Variants in MYT1L observed in about 807,000 individuals in gnomAD.
MYT1L encodes myelin transcription factor 1-like protein.
A neutral mutation model predicts 126.7 loss-of-function variants in MYT1L; 12 were observed. That is an observed-to-expected ratio of 0.09 (90% CI 0.06 to 0.15). The LOEUF (loss-of-function observed/expected upper bound fraction) is 0.15. Among genes scored for constraint, MYT1L ranks in the 10% least tolerant of loss-of-function variants. The pLI, the probability that MYT1L is intolerant of heterozygous loss-of-function variation, is 1.00. For synonymous variants in MYT1L, 541 were observed against 604.2 expected, an observed-to-expected ratio of 0.90 and a Z score of 1.53; for missense variants, 979 against 1,585.2, an observed-to-expected ratio of 0.62 and a Z score of 6.49.
intron 8 of MYT1L, among the ~76,000 whole-genome samples, chr2:1,956,195 A>ATCTATCTATCTC (rs1180989847): frequency 0.016 from 1,288 of 79,382 alleles, 26 homozygotes; most frequent in African/African-American, 0.059. Context: ...CTAGCTGTCT[A>ATCTATCTATCTC]TCTATCTATC....
At chr2:2,037,525 G>C (rs916897183) in intron 4 of MYT1L, among the ~76,000 whole-genome samples, 12 of 151,714 alleles carry the variant, frequency 7.9e-5, no homozygotes, top group African/African-American at 2.9e-4. Context: ...GGAAGCCAAG[G>C]TGGCCAGATC....
At chr2:1,965,670 A>T (rs952015383) in intron 8 of MYT1L, among the ~76,000 whole-genome samples, 20 of 152,208 alleles carry the variant, frequency 1.3e-4, no homozygotes, top group Non-Finnish European at 2.9e-4. Context: ...TTTTGGCATC[A>T]TAGCTGGTGA....
chr2:2,132,305 A>G (rs2082476203), intron 3 of MYT1L, among the ~76,000 whole-genome samples: 2 of 152,198 alleles, frequency 1.3e-5, no homozygotes, highest in Admixed American at 1.3e-4. Context: ...ACTATTTACA[A>G]TATCAAAGAC....
chr2:2,302,796 G>T lies in MYT1L; in HGVS notation c.-520-18293C>A, dbSNP rs143690880. 4.6e-4 allele frequency among the ~76,000 whole-genome samples: 70 copies of T among 152,280 alleles called. No individual in the cohort carries two copies. The East Asian group carries it at 0.013, about 28-fold the overall frequency. The stretch of plus-strand genomic sequence containing the variant: ...TGTAGACGTGGTAATGTGCAGTAAT[G>T]GTTTGATGCGTGAACAAAGTCCTTG... On this transcript the variant is annotated intron_variant, in intron 1 of 24. Transcript: ENST00000647738.
At chr2:1,886,181 CT>C (rs2048149637) in intron 18 of MYT1L, 1 of 180,028 alleles carries the variant, frequency 5.6e-6, no homozygotes, top group South Asian at 2.0e-4. Flanking sequence ...CTATGAATTT[CT>C]TTTAAAAATT....
At chr2:2,073,667 T>C (rs1048971800) in intron 3 of MYT1L, among the ~76,000 whole-genome samples, 1 of 152,216 alleles carries the variant, frequency 6.6e-6, no homozygotes, top group Non-Finnish European at 1.5e-5. Context: ...GTGCGTATCT[T>C]GGACGTTGTA....
intron 18 of MYT1L, among the ~76,000 whole-genome samples, chr2:1,878,714 A>G (rs576117726): frequency 7.9e-5 from 12 of 152,332 alleles, no homozygotes; most frequent in Non-Finnish European, 1.8e-4. Context: ...TCCATCGGGC[A>G]TTTCAGGCTC....
chr2:1,952,643 G>A (rs1055001898), intron 8 of MYT1L, among the ~76,000 whole-genome samples: 8 of 148,620 alleles, frequency 5.4e-5, no homozygotes, highest in Non-Finnish European at 8.9e-5. Context: ...TGTGTGCCAC[G>A]GCACACCACC....
intron 13 of MYT1L, among the ~76,000 whole-genome samples, chr2:1,906,730 C>T (rs919189654): frequency 5.3e-5 from 8 of 151,952 alleles, no homozygotes; most frequent in African/African-American, 1.9e-4. Context: ...GAGACATTTT[C>T]CCAGATAATA....
rs541570234 is a variant in MYT1L, at chr2:2,212,298, AATAAAGG to A, written c.-420-39317_-420-39311del. ...ACTCCCCCAGGATGAGTTACCCGAT[AATAAAGG>A]AGCAGGCGAAATTTTAGGAAGATTG... On this transcript the variant is annotated intron_variant, in intron 2 of 24. Transcript: ENST00000647738. 3.9e-5 allele frequency among the ~76,000 whole-genome samples: 6 copies of A among 152,314 alleles called. No homozygotes were observed. The South Asian group carries it at 1.2e-3, about 32-fold the overall frequency.
Position 2,040,664 on chromosome 2 carries a change from C to T in MYT1L, c.-158+13314G>A, listed in dbSNP as rs113081935. ...CTTGGCCACTCTTCAGGGAAAATTA[C>T]GAACATGTGATATTTTGGAAAAAGC... On this transcript the variant is annotated intron_variant, in intron 4 of 24. Transcript: ENST00000647738. 6.7e-3 allele frequency among the ~76,000 whole-genome samples: 1,020 copies of T among 152,068 alleles called. 10 individuals carry two copies. Among genetic ancestry groups the T allele is most frequent in the South Asian group, 0.033 (157 of 4,812 alleles).
chr2:2,065,835 C>T (rs2071187712), intron 3 of MYT1L, among the ~76,000 whole-genome samples: 1 of 139,972 alleles, frequency 7.1e-6, no homozygotes, highest in African/African-American at 2.7e-5. Context: ...CACACACACA[C>T]ACACACACAC....
chr2:2,023,418 A>G (rs772634556), intron 4 of MYT1L, among the ~76,000 whole-genome samples: 1 of 152,166 alleles, frequency 6.6e-6, no homozygotes, highest in Non-Finnish European at 1.5e-5. Context: ...GTGTGTGAAG[A>G]ACTCGGCTGA....
rs1260232364 is a variant in MYT1L at position 1,806,975 on chromosome 2, C to T, written c.3172+2101G>A. 6.6e-6 allele frequency among the ~76,000 whole-genome samples: 1 copy of T among 152,164 alleles called. No homozygotes were observed. Among genetic ancestry groups the T allele is most frequent in the African/African-American group, 2.4e-5 (1 of 41,444 alleles). ...TTCTTTCTGGCAAGGAGCACTGCTCCGTAATAACTAGAAAGCGAAAGTTGG... is the reference window on the plus strand; with the variant it reads ...TTCTTTCTGGCAAGGAGCACTGCTCTGTAATAACTAGAAAGCGAAAGTTGG... On this transcript the variant is annotated intron_variant, in intron 22 of 24. Coordinates refer to ENST00000647738, the MANE Select transcript of MYT1L (RefSeq NM_001303052.2). The surrounding 1 kb of genome is among the most constrained non-coding windows in gnomAD (Gnocchi z 4.9).
At chr2:2,270,256 C>T (rs1340040740) in intron 2 of MYT1L, among the ~76,000 whole-genome samples, 55 of 152,190 alleles carry the variant, frequency 3.6e-4, no homozygotes, top group Admixed American at 3.5e-3. Context: ...GAATTGATGC[C>T]TGTTGTTTAA....
intron 2 of MYT1L, among the ~76,000 whole-genome samples, chr2:2,264,399 C>T (rs939926723): frequency 1.3e-5 from 2 of 151,696 alleles, no homozygotes; most frequent in Admixed American, 6.6e-5. Context: ...CCAAACCCCA[C>T]CCCCAAAAAA....
chr2:2,120,891 G>GT (rs1357504843), intron 3 of MYT1L, among the ~76,000 whole-genome samples: 4 of 151,782 alleles, frequency 2.6e-5, no homozygotes, highest in Non-Finnish European at 5.9e-5. Context: ...AGTGCGCACT[G>GT]TGTGGTGGGT....
chr2:1,843,575 C>T (rs758213520), intron 19 of MYT1L, among the ~76,000 whole-genome samples: 3 of 151,436 alleles, frequency 2.0e-5, no homozygotes, highest in East Asian at 2.0e-4. Flanking sequence ...AGAGTTACTG[C>T]GGTATCCTAC....
Position 2,004,397 on chromosome 2 carries a change from GC to G in MYT1L, c.-157-7051del, listed in dbSNP as rs1239861730. On this transcript the variant is annotated intron_variant, in intron 4 of 24. Coordinates refer to ENST00000647738, the MANE Select transcript of MYT1L (RefSeq NM_001303052.2). ...TTCTTTCCTGCAGGCGTTCTTTCCT[GC>G]ATGCGTTCTTTCCTGCATGCGTTCT... 6.3e-5 allele frequency among the ~76,000 whole-genome samples: 9 copies of G among 142,410 alleles called. 1 individual carries two copies. Among genetic ancestry groups the G allele is most frequent in the African/African-American group, 2.6e-4 (9 of 34,050 alleles). The allele number at this position is 142,410 out of a possible 152,430, so 93.4% of individuals were successfully genotyped here. A position where few individuals can be genotyped will look rare whatever the true frequency, so the allele number is the denominator to read the frequency against.
Sources: gnomAD v4.1 joint callset for allele counts (sites outside exome capture counted in the v4.1 genomes callset) on GRCh38, gnomAD v4.1.1 for gene constraint, Gnocchi (gnomAD v3.1) non-coding constraint, MANE v1.5 for transcripts, NCBI Gene and HGNC (gene_info 2026-07-23, HGNC 2026-07-21) for gene names.